The following LRRC61 variants were observed in gnomAD, a reference collection of about 807,000 sequenced individuals.
LRRC61 encodes leucine rich repeat containing 61, also known as leucine-rich repeat-containing protein 61.
A neutral mutation model predicts 15.1 loss-of-function variants in LRRC61; 9 were observed. That is an observed-to-expected ratio of 0.60 (90% CI 0.36 to 1.04). The LOEUF is 1.04. Ranked by LOEUF, LRRC61 falls within the 50% of genes least tolerant of loss-of-function variation. The pLI, the probability that LRRC61 is intolerant of heterozygous loss-of-function variation, is 0.01. For missense variants in LRRC61, 344 were observed against 335.6 expected, an observed-to-expected ratio of 1.03 and a Z score of -0.20; for synonymous variants, 173 against 158.6, an observed-to-expected ratio of 1.09 and a Z score of -0.68.
chr7:150,333,690 G>A lies in LRRC61; in HGVS notation c.-144-3028G>A, dbSNP rs1448652579. Among the ~76,000 whole-genome samples, 2 of 152,218 alleles carry A rather than the reference G, an allele frequency of 1.3e-5. No homozygotes were observed. Among genetic ancestry groups the A allele is most frequent in the East Asian group, 3.8e-4 (2 of 5,196 alleles). ...TTTCCAGACTCTGTTGCTGGGCCAG[G>A]AGGTCTCTGTTCCCTTCATTTCCAT... On this transcript the variant is annotated intron_variant, in intron 2 of 2. Coordinates refer to ENST00000359623, the MANE Select transcript of LRRC61 (RefSeq NM_001142928.2). This position sits in a 1 kb window ranked among gnomAD's most constrained non-coding sequence, Gnocchi z 4.3.
chr7:150,319,434 T>C (rs73170174), upstream of LRRC61, among the ~76,000 whole-genome samples: 38,682 of 152,108 alleles, frequency 0.25, 5,136 homozygotes, highest in East Asian at 0.42. Flanking sequence ...CTTGAACTCC[T>C]GACCTCAGGT....
chr7:150,333,227 C>T lies in LRRC61; in HGVS notation c.-144-3491C>T, dbSNP rs1563227443. ...AGAGGGTGAGAGAGCTTGATGGCACCGAACCAGGGGGCTTGGGCTCTAGAA... is the reference window on the plus strand; with the variant it reads ...AGAGGGTGAGAGAGCTTGATGGCACTGAACCAGGGGGCTTGGGCTCTAGAA... On this transcript the variant is annotated intron_variant, in intron 2 of 2. Transcript: ENST00000359623. This position sits in a 1 kb window ranked among gnomAD's most constrained non-coding sequence, Gnocchi z 4.3. Among the ~76,000 whole-genome samples the T allele has an allele frequency of 6.6e-6, 1 of 152,272 alleles. No individual in the cohort carries two copies. The highest frequency in any genetic ancestry group is 1.9e-4 in the East Asian group (1 of 5,172).
chr7:150,336,061 C>A (rs1798278123), intron 2 of LRRC61, among the ~76,000 whole-genome samples: 1 of 152,166 alleles, frequency 6.6e-6, no homozygotes, highest in Admixed American at 6.5e-5. Context: ...CAAGGGTGTG[C>A]GACCTAGCCA....
the LRRC61 span, among the ~76,000 whole-genome samples, chr7:150,316,821 C>G: frequency 2.6e-5 from 4 of 152,072 alleles, no homozygotes; most frequent in Non-Finnish European, 5.9e-5. Context: ...TGGAATTTTT[C>G]CTGGGATTAC....
Position 150,336,720 on chromosome 7 carries a change from A to T in LRRC61, c.-142A>T. On this transcript the variant is annotated splice_region_variant and 5_prime_UTR_variant, in exon 3 of 3. Transcript: ENST00000359623. ...GCTGACTGACTGTCTCTCCTCAGGGACTGGCTGGCTTCGAGCAGGGCATCG... is the reference window on the plus strand; with the variant it reads ...GCTGACTGACTGTCTCTCCTCAGGGTCTGGCTGGCTTCGAGCAGGGCATCG... The T allele has an allele frequency of 9.1e-7, 1 of 1,099,440 alleles. No homozygotes were observed. The highest frequency in any genetic ancestry group is 1.3e-6 in the Non-Finnish European group (1 of 773,096). The allele number at this position is 1,099,440 out of a possible 1,614,324, so 68.1% of individuals were successfully genotyped here.
intron 1 of LRRC61, among the ~76,000 whole-genome samples, chr7:150,325,355 A>C (rs916550970): frequency 6.6e-6 from 1 of 152,212 alleles, no homozygotes; most frequent in African/African-American, 2.4e-5. Context: ...ATGATCGACT[A>C]TGGGCAGGCG....
the LRRC61 span, among the ~76,000 whole-genome samples, chr7:150,313,109 T>A: frequency 6.6e-6 from 1 of 152,198 alleles, no homozygotes; most frequent in Non-Finnish European, 1.5e-5. Context: ...TAACAATATA[T>A]AACCACCTTT....
chr7:150,325,268 G>A (rs2129618095), intron 1 of LRRC61, among the ~76,000 whole-genome samples: 1 of 152,306 alleles, frequency 6.6e-6, no homozygotes, highest in East Asian at 1.9e-4. Context: ...GGCCTGGCCC[G>A]CTTTCCCTTT....
rs1240543018 is a variant in LRRC61 at position 150,337,484 on chromosome 7, G to C, written c.623G>C (p.Trp208Ser). 7.5e-6 allele frequency: 12 copies of C among 1,602,616 alleles called. No homozygotes were observed. In the East Asian group the frequency reaches 1.6e-4, roughly 21 times the overall value. Residue 208 changes from tryptophan to serine, a missense_variant, in exon 3 of 3, where the codon TGG becomes TCG. Transcript: ENST00000359623. ...GTGGAGCCAGGCTACTGGGAGTCCT[G>C]GCCCAGCCGGAGCAGCTCCATCCTG... is the stretch of plus-strand genomic sequence containing the variant. Reference protein sequence around the residue: ...PWVEPGYWESWPSRSSSILEE... With the variant: ...PWVEPGYWESSPSRSSSILEE...
chr7:150,321,877 G>A (rs757677410), upstream of LRRC61, among the ~76,000 whole-genome samples: 2 of 152,218 alleles, frequency 1.3e-5, no homozygotes, highest in East Asian at 1.9e-4. Context: ...GCAGGAGAAG[G>A]GTCATCTGAA....
In LRRC61 at chr7:150,336,783, G is replaced by A; in HGVS notation, c.-79G>A. 1 of 1,530,212 alleles carries A rather than the reference G, an allele frequency of 6.5e-7. No homozygotes were observed. The highest frequency in any genetic ancestry group is 8.8e-7 in the Non-Finnish European group (1 of 1,139,504). The allele number at this position is 1,530,212 out of a possible 1,614,324, so 94.8% of individuals were successfully genotyped here. A position where few individuals can be genotyped will look rare whatever the true frequency, so the allele number is the denominator to read the frequency against. ...CTGGCACTGGCCTGGGTAGAGCCAG[G>A]GCGAGCACCAGCTGACCCCCAGTGG... is the stretch of plus-strand genomic sequence containing the variant. On this transcript the variant is annotated 5_prime_UTR_variant, in exon 3 of 3. Coordinates refer to ENST00000359623, the MANE Select transcript of LRRC61 (RefSeq NM_001142928.2).
chr7:150,322,971 TGGCACGCACAGCGCC>T (rs1191978526), upstream of LRRC61: 1 of 152,606 alleles, frequency 6.6e-6, no homozygotes, highest in Non-Finnish European at 1.5e-5. Context: ...GCGGTCAGCC[TGGCACGCACAGCGCC>T]GGCGTGCAGG....
chr7:150,326,509 C>A (rs189360872), intron 2 of LRRC61, among the ~76,000 whole-genome samples: 2 of 151,940 alleles, frequency 1.3e-5, no homozygotes, highest in African/African-American at 4.8e-5. Context: ...ATGGTGAAAT[C>A]CCGTCTCTAC....
At chr7:150,325,629 G>C (rs969465246) in intron 1 of LRRC61, among the ~76,000 whole-genome samples, 4 of 152,180 alleles carry the variant, frequency 2.6e-5, no homozygotes, top group Non-Finnish European at 4.4e-5. Context: ...ATCACAGCTG[G>C]CTGATTTTTT....
In LRRC61 at chr7:150,330,489, C is replaced by T. The variant is rs73474332; in HGVS notation, c.-145+4479C>T. Reference sequence around the variant, plus strand: ...GCGCTACCTGCACATCTTCCTGGAGCAGGTTCACACACACTTTCAGGAGCA... The same window carrying T: ...GCGCTACCTGCACATCTTCCTGGAGTAGGTTCACACACACTTTCAGGAGCA... On this transcript the variant is annotated intron_variant, in intron 2 of 2. Coordinates refer to ENST00000359623, the MANE Select transcript of LRRC61 (RefSeq NM_001142928.2). This position sits in a 1 kb window ranked among gnomAD's most constrained non-coding sequence, Gnocchi z 4.6. 2,790 of 780,168 alleles carry T rather than the reference C, an allele frequency of 3.6e-3. 58 individuals are homozygous for T. In the African/African-American group the frequency reaches 0.043, roughly 12 times the overall value. 48.3% of individuals were successfully genotyped at this position (780,168 alleles called of 1,614,324 possible).
rs777220826 is a variant in LRRC61, at chr7:150,336,963, G to A, written c.102G>A (p.Leu34=). 6.2e-7 allele frequency: 1 copy of A among 1,614,000 alleles called. No homozygotes were observed. Among genetic ancestry groups the A allele is most frequent in the East Asian group, 2.2e-5 (1 of 44,892 alleles). ...RTGEFSLESI[L]LLKLRGLGLA... ...GCGAGTTCTCCCTGGAGTCCATCCT[G>A]CTACTGAAGCTGCGTGGCTTGGGAC... Residue 34 remains leucine (L), a synonymous_variant, in exon 3 of 3, where the codon CTG becomes CTA. Coordinates refer to ENST00000359623, the MANE Select transcript of LRRC61 (RefSeq NM_001142928.2).
intron 1 of LRRC61, among the ~76,000 whole-genome samples, chr7:150,324,117 C>T (rs1797840717): frequency 6.6e-6 from 1 of 152,208 alleles, no homozygotes; most frequent in Non-Finnish European, 1.5e-5. Flanking sequence ...TTCACACGTT[C>T]ATCTCCTCCT....
Position 150,329,034 on chromosome 7 carries a change from A to G in LRRC61, c.-145+3024A>G, listed in dbSNP as rs150119288. On this transcript the variant is annotated intron_variant, in intron 2 of 2. Transcript: ENST00000359623. Reference sequence around the variant, plus strand: ...TCCACTAGCCAGAGATCAAGTCTTGATGCTATCCAGTTGAAACCTAGTCTC... The same window carrying G: ...TCCACTAGCCAGAGATCAAGTCTTGGTGCTATCCAGTTGAAACCTAGTCTC... 2.5e-3 allele frequency among the ~76,000 whole-genome samples: 378 copies of G among 152,322 alleles called. 1 individual carries two copies. The highest frequency in any genetic ancestry group is 8.6e-3 in the African/African-American group (359 of 41,558).
upstream of LRRC61, among the ~76,000 whole-genome samples, chr7:150,320,098 G>A (rs1483144231): frequency 5.9e-5 from 9 of 152,236 alleles, no homozygotes; most frequent in Non-Finnish European, 1.2e-4. Context: ...TGAGCCCATA[G>A]TGTGGATCCC....
Sources: gnomAD v4.1 joint callset for allele counts (sites outside exome capture counted in the v4.1 genomes callset) on GRCh38, gnomAD v4.1.1 for gene constraint, Gnocchi (gnomAD v3.1) non-coding constraint, MANE v1.5 for transcripts, NCBI Gene and HGNC (gene_info 2026-07-23, HGNC 2026-07-21) for gene names.